Variants in SYCP2L observed in about 807,000 individuals in gnomAD.
SYCP2L encodes synaptonemal complex protein 2-like.
A neutral mutation model predicts 125.8 loss-of-function variants in SYCP2L; 98 were observed. The ratio of observed to expected loss-of-function variants is 0.78; its 90% CI spans 0.66 to 0.92. The LOEUF (loss-of-function observed/expected upper bound fraction) is 0.92, where lower values mean the gene tolerates loss of function less well. SYCP2L is among the 40% of genes least tolerant of loss of function. The probability of loss-of-function intolerance (pLI) is 0.00; values close to 1 mark genes in which losing one functional copy is unlikely to be tolerated. For missense variants in SYCP2L, 842 were observed against 936.4 expected (o/e 0.90, Z 1.32); for synonymous variants, 317 against 325.4 (o/e 0.97, Z 0.28).
chr6:10,926,526 T>C, intron 16 of SYCP2L, 94 bp downstream of exon 16: 2 of 923,046 alleles, frequency 2.2e-6, no homozygotes, highest in East Asian at 5.0e-5. Flanking sequence ...TGTGGTCATA[T>C]GAGTGATGCG....
intron 20 of SYCP2L, among the ~76,000 whole-genome samples, chr6:10,934,346 T>C (rs1354190086): frequency 6.6e-6 from 1 of 152,196 alleles, no homozygotes; most frequent in African/African-American, 2.4e-5. Flanking sequence ...TATTGTCCAT[T>C]TGAGGGGAGC....
At chr6:10,931,573 A>G in intron 20 of SYCP2L, 84 bp downstream of exon 20, 1 of 1,334,560 alleles carries the variant, frequency 7.5e-7, no homozygotes, top group Non-Finnish European at 1.1e-6. Context: ...AGAAATATAA[A>G]AATAACAAAA....
At chr6:10,925,848 C>T (rs750091731) in intron 15 of SYCP2L, among the ~76,000 whole-genome samples, 5 of 152,274 alleles carry the variant, frequency 3.3e-5, no homozygotes, top group East Asian at 3.9e-4. Flanking sequence ...ACAAAAACAT[C>T]GAAATCATAT....
chr6:10,955,130 A>G lies in SYCP2L; in HGVS notation c.1969A>G (p.Ser657Gly), dbSNP rs774344695. The G allele has an allele frequency of 6.2e-7, 1 of 1,612,172 alleles. No individual in the cohort carries two copies. Among genetic ancestry groups the G allele is most frequent in the South Asian group, 1.1e-5 (1 of 91,042 alleles). The change falls in exon 24 of 30, where the codon AGT becomes GGT. Residue 657 changes from serine (S) to glycine (G), a missense_variant. Transcript: ENST00000283141. Reference protein sequence around the residue: ...NLEDKDIPEGSFAKSQQSRLE... With the variant: ...NLEDKDIPEGGFAKSQQSRLE... The stretch of plus-strand genomic sequence containing the variant: ...TTTGCCTGTAGACATACCAGAAGGT[A>G]GTTTTGCTAAGTCACAACAATCAAG...
intron 26 of SYCP2L, 51 bp from the exon 27 acceptor site, chr6:10,961,254 C>T: frequency 1.4e-6 from 2 of 1,420,340 alleles, no homozygotes; most frequent in Non-Finnish European, 2.0e-6. Flanking sequence ...AGAAAGTCTG[C>T]TGTCACATCC....
chr6:10,915,553 GCT>G (rs1162769111), intron 14 of SYCP2L, among the ~76,000 whole-genome samples: 1 of 152,162 alleles, frequency 6.6e-6, no homozygotes, highest in African/African-American at 2.4e-5. Context: ...TTTGTCGAAT[GCT>G]TTTTCTGCAT....
intron 28 of SYCP2L, 126 bp downstream of exon 28, chr6:10,961,684 C>A (rs1208666525): frequency 3.3e-6 from 3 of 910,804 alleles, no homozygotes; most frequent in East Asian, 2.5e-5. Context: ...ATCTTTTGAA[C>A]CGGCCACTTC....
At chr6:10,899,904 A>G (rs1391394453) in intron 6 of SYCP2L, among the ~76,000 whole-genome samples, 1 of 152,254 alleles carries the variant, frequency 6.6e-6, no homozygotes, top group Non-Finnish European at 1.5e-5. Context: ...GATAAAATGC[A>G]CAGTGGTAAA....
intron 6 of SYCP2L, among the ~76,000 whole-genome samples, chr6:10,901,269 G>C (rs1391945775): frequency 6.6e-6 from 1 of 152,170 alleles, no homozygotes; most frequent in East Asian, 1.9e-4. Context: ...ATGTGTTAAA[G>C]AAATGTAAGA....
At chr6:10,930,304 G>A in intron 18 of SYCP2L, 66 bp from the exon 19 acceptor site, 1 of 1,513,222 alleles carries the variant, frequency 6.6e-7, no homozygotes. Flanking sequence ...TGTAGAATAT[G>A]TTTAGTTATA....
In SYCP2L at chr6:10,928,736, C is replaced by T. The variant is rs566319259; in HGVS notation, c.1488+286C>T. 3.9e-4 allele frequency among the ~76,000 whole-genome samples: 60 copies of T among 152,202 alleles called. No individual in the cohort carries two copies. In the South Asian group the frequency reaches 0.011, roughly 28 times the overall value. ...AATTTTTTATAGAGATGGAGTCTCG[C>T]TCCATTCCCCAGGCTGGTCTCAAAC... On this transcript the variant is annotated intron_variant, in intron 18 of 29. Transcript: ENST00000283141.
At chr6:10,927,205 G>A (rs201301624) in intron 16 of SYCP2L, 35 bp from the exon 17 acceptor site, 101 of 1,612,226 alleles carry the variant, frequency 6.3e-5, no homozygotes, top group East Asian at 2.9e-4. Context: ...GCGTGTGCAC[G>A]GTTATTATAT....
chr6:10,921,168 G>A (rs1247844646), intron 14 of SYCP2L, among the ~76,000 whole-genome samples: 1 of 152,182 alleles, frequency 6.6e-6, no homozygotes, highest in African/African-American at 2.4e-5. Flanking sequence ...TGCTGTGGAT[G>A]ATGGCTTCAA....
intron 21 of SYCP2L, among the ~76,000 whole-genome samples, chr6:10,942,138 G>C (rs1050141421): frequency 8.3e-6 from 1 of 119,970 alleles, no homozygotes; most frequent in Non-Finnish European, 1.7e-5. Context: ...CACACACTGG[G>C]GCCTGTTGTG....
At chr6:10,942,139 G>T (rs1781235024) in intron 21 of SYCP2L, among the ~76,000 whole-genome samples, 1 of 115,038 alleles carries the variant, frequency 8.7e-6, no homozygotes, top group South Asian at 3.5e-4. Context: ...ACACACTGGG[G>T]CCTGTTGTGG....
At chr6:10,906,886 A>G (rs1374146355) in intron 9 of SYCP2L, among the ~76,000 whole-genome samples, 2 of 151,394 alleles carry the variant, frequency 1.3e-5, no homozygotes, top group African/African-American at 4.8e-5. Context: ...GGCATGAGCC[A>G]CCACGCCTGG....
intron 14 of SYCP2L, among the ~76,000 whole-genome samples, chr6:10,915,681 A>G (rs1664102827): frequency 6.6e-6 from 1 of 152,106 alleles, no homozygotes; most frequent in African/African-American, 2.4e-5. Context: ...CCACCTGATG[A>G]TGGTGGATTA....
At chr6:10,952,712 G>A (rs1192488850) in intron 23 of SYCP2L, among the ~76,000 whole-genome samples, 5 of 152,134 alleles carry the variant, frequency 3.3e-5, no homozygotes, top group Non-Finnish European at 5.9e-5. Flanking sequence ...CCCTGACTGC[G>A]GTATAGACAC....
intron 1 of SYCP2L, 43 bp downstream of exon 1, chr6:10,887,178 T>TAGGGCGCGCGAGGGCGCG: frequency 6.2e-7 from 1 of 1,611,640 alleles, no homozygotes. Flanking sequence ...TCCACAGTGC[T>TAGGGCGCGCGAGGGCGCG]AGGGCGCGCG....
Sources: gnomAD v4.1 joint callset for allele counts (sites outside exome capture counted in the v4.1 genomes callset) on GRCh38, gnomAD v4.1.1 for gene constraint, MANE v1.5 for transcripts, NCBI Gene and HGNC (gene_info 2026-07-23, HGNC 2026-07-21) for gene names.